Variants in DOT1L observed in about 807,000 individuals in gnomAD.
DOT1L encodes histone-lysine N-methyltransferase, H3 lysine-79 specific.
A neutral mutation model predicts 153.3 loss-of-function variants in DOT1L; 33 were observed. That is an observed-to-expected ratio of 0.22 (90% confidence interval 0.16 to 0.29). DOT1L has a LOEUF of 0.29. Among genes scored for constraint, DOT1L ranks in the 10% least tolerant of loss-of-function variants. The probability of loss-of-function intolerance (pLI) is 1.00; values close to 1 mark genes in which losing one functional copy is unlikely to be tolerated. For missense variants in DOT1L, 1,847 were observed against 2,119.9 expected (o/e 0.87, Z 2.53); for synonymous variants, 1,135 against 965.1 (o/e 1.18, Z -3.26).
intron 2 of DOT1L, among the ~76,000 whole-genome samples, chr19:2,183,890 A>G (rs1480952840): frequency 1.7e-3 from 238 of 142,902 alleles, no homozygotes; most frequent in Middle Eastern, 3.4e-3. Context: ...CTCCCAAAGC[A>G]CTGGGATTAT....
chr19:2,183,963 C>T (rs1336845595), intron 2 of DOT1L, among the ~76,000 whole-genome samples: 2 of 147,430 alleles, frequency 1.4e-5, no homozygotes, highest in Non-Finnish European at 3.1e-5. Flanking sequence ...CAATCCTTTG[C>T]TGCTAGTATG....
In DOT1L at chr19:2,227,753, G is replaced by C. The variant is rs779526522; in HGVS notation, c.4606+626G>C. The C allele has an allele frequency of 2.3e-6, 3 of 1,318,462 alleles. No homozygotes were observed. The African/African-American group carries it at 4.5e-5, about 20-fold the overall frequency. The allele number at this position is 1,318,462 out of a possible 1,614,324, so 81.7% of individuals were successfully genotyped here. A position where few individuals can be genotyped will look rare whatever the true frequency, so the allele number is the denominator to read the frequency against. ...TATTTGCAGGTGTCTTTAACCACGC[G>C]GTGCCCTCCGCCTCTGCTCATCCGT... On this transcript the variant is annotated intron_variant, in intron 27 of 27. Transcript: ENST00000398665.
intron 22 of DOT1L, among the ~76,000 whole-genome samples, chr19:2,219,571 G>T (rs79670723): frequency 1.3e-5 from 2 of 152,196 alleles, no homozygotes; most frequent in Non-Finnish European, 2.9e-5. Flanking sequence ...TGCTGTGAGC[G>T]CTGGGGTCCA....
chr19:2,227,899 GGCCGCCCCCTCC>G, intron 27 of DOT1L: 1 of 1,242,596 alleles, frequency 8.0e-7, no homozygotes, highest in Non-Finnish European at 1.0e-6. Flanking sequence ...GTTGAGACCC[GGCCGCCCCCTCC>G]GCCTCCGCCT....
intron 27 of DOT1L, chr19:2,228,402 C>T (rs556220340): frequency 2.9e-5 from 37 of 1,258,522 alleles, no homozygotes; most frequent in African/African-American, 1.9e-4. Flanking sequence ...GAGCCCTGCG[C>T]GGTGGCTCAC....
At chr19:2,168,151 A>G (rs2019998514) in intron 1 of DOT1L, among the ~76,000 whole-genome samples, 1 of 152,120 alleles carries the variant, frequency 6.6e-6, no homozygotes, top group Non-Finnish European at 1.5e-5. Context: ...CCGCCCCAGC[A>G]TTCTTAGTCT....
At chr19:2,211,061 A>T (rs777639731) in intron 14 of DOT1L, 38 bp from the exon 15 acceptor site, 4 of 1,591,140 alleles carry the variant, frequency 2.5e-6, no homozygotes. Context: ...CGCTCTCCCG[A>T]CCCGCCCTGT....
chr19:2,230,131 C>T lies in DOT1L; in HGVS notation c.*339C>T, dbSNP rs143685653. The T allele has an allele frequency of 1.2e-3, 627 of 508,774 alleles. 5 individuals are homozygous for T. The East Asian group carries it at 0.014, about 11-fold the overall frequency. 31.5% of individuals were successfully genotyped at this position (508,774 alleles called of 1,614,324 possible). On this transcript the variant is annotated 3_prime_UTR_variant, in exon 28 of 28. Coordinates refer to ENST00000398665, the MANE Select transcript of DOT1L (RefSeq NM_032482.3). ...AAGACACGTGTCTGCAGGGCGGGCC[C>T]GCCAGCGGATTCGCCACAGCCTGCC...
At chr19:2,228,639 C>T (rs2024471506) in intron 27 of DOT1L, 1 of 985,392 alleles carries the variant, frequency 1.0e-6, no homozygotes, top group African/African-American at 1.7e-5. Flanking sequence ...CTGAGGCCAG[C>T]CCTGGGGGCA....
chr19:2,215,934 G>C (rs1446309787), intron 19 of DOT1L: 1 of 223,714 alleles, frequency 4.5e-6, no homozygotes, highest in Non-Finnish European at 8.6e-6. Flanking sequence ...CGGGGAAGCT[G>C]CCACGCTCGA....
Position 2,190,629 on chromosome 19 carries a change from T to C in DOT1L, c.265-383T>C, listed in dbSNP as rs2022749029. 6.6e-6 allele frequency among the ~76,000 whole-genome samples: 1 copy of C among 152,012 alleles called. No homozygotes were observed. Among genetic ancestry groups the C allele is most frequent in the Non-Finnish European group, 1.5e-5 (1 of 67,982 alleles). On this transcript the variant is annotated intron_variant, in intron 4 of 27. Transcript: ENST00000398665. This position sits in a 1 kb window ranked among gnomAD's most constrained non-coding sequence, Gnocchi z 4.8. ...AGATGAGGTGTGGTAGGCTCAGGGCTTTCACGGGGCTCGTGGCACCTGACG... is the reference window on the plus strand; with the variant it reads ...AGATGAGGTGTGGTAGGCTCAGGGCCTTCACGGGGCTCGTGGCACCTGACG...
intron 1 of DOT1L, among the ~76,000 whole-genome samples, chr19:2,165,531 C>CG (rs2144630029): frequency 6.6e-6 from 1 of 152,322 alleles, no homozygotes; most frequent in South Asian, 2.1e-4. Context: ...GCCGGGATCC[C>CG]GCCAGGAGAG....
intron 9 of DOT1L, among the ~76,000 whole-genome samples, chr19:2,203,761 C>T (rs187648320): frequency 2.1e-3 from 317 of 152,386 alleles, no homozygotes; most frequent in Admixed American, 5.7e-3. Flanking sequence ...TGCCAGCCCT[C>T]CAGCAGGACA....
rs557308941 is a variant in DOT1L at position 2,213,983 on chromosome 19, G to C, written c.1794G>C (p.Gln598His). The C allele has an allele frequency of 1.7e-5, 28 of 1,612,268 alleles. No individual in the cohort carries two copies. In the African/African-American group the frequency reaches 3.2e-4, roughly 18 times the overall value. ...GCGCGCTCCGCGGCCAGAGCTTGCAGCTGGTGGGTGCCGCGGCGCAAGGAC... is the reference window on the plus strand; with the variant it reads ...GCGCGCTCCGCGGCCAGAGCTTGCACCTGGTGGGTGCCGCGGCGCAAGGAC... ...DNRALRGQSLQLLKARCEELQ... is the reference protein window; with the variant it reads ...DNRALRGQSLHLLKARCEELQ... The change falls in exon 18 of 28, where the codon CAG becomes CAC. Residue 598 changes from glutamine (Q) to histidine (H), a missense_variant. By Grantham distance (24) the Gln-to-His change is conservative (BLOSUM62 0). This residue lies in a region of DOT1L where 156 missense variants were observed against 235.7 expected (regional missense o/e 0.66). Transcript: ENST00000398665.
intron 7 of DOT1L, among the ~76,000 whole-genome samples, chr19:2,199,490 T>C (rs1200774536): frequency 6.6e-6 from 1 of 152,232 alleles, no homozygotes; most frequent in South Asian, 2.1e-4. Context: ...CTGCAGGCCC[T>C]GCCTCGGGGC....
chr19:2,167,675 G>A (rs1235848072), intron 1 of DOT1L, among the ~76,000 whole-genome samples: 1 of 151,860 alleles, frequency 6.6e-6, no homozygotes, highest in East Asian at 1.9e-4. Flanking sequence ...CTGTGTTCCC[G>A]TTGAGGAATT....
At chr19:2,200,273 T>C (rs1486205285) in intron 8 of DOT1L, among the ~76,000 whole-genome samples, 2 of 151,714 alleles carry the variant, frequency 1.3e-5, no homozygotes, top group Non-Finnish European at 2.9e-5. Context: ...TCTGGGGGTC[T>C]TCCTGTCTCC....
At chr19:2,202,559 C>A in intron 8 of DOT1L, 141 bp from the exon 9 acceptor site, 2 of 778,952 alleles carry the variant, frequency 2.6e-6, no homozygotes, top group Non-Finnish European at 4.3e-6. Flanking sequence ...GGCGTGCGCT[C>A]AGCTGCGTGG....
Position 2,190,984 on chromosome 19 carries a change from A to T in DOT1L, c.265-28A>T, listed in dbSNP as rs748714168. ...GGGGCTGGGCCGTGAGGTTTATGTG[A>T]CATGGCCGGGCCACCCTCCGTCCGC... On this transcript the variant is annotated intron_variant, in intron 4 of 27. Transcript: ENST00000398665. This position sits in a 1 kb window ranked among gnomAD's most constrained non-coding sequence, Gnocchi z 4.8. 15 of 1,565,668 alleles carry T rather than the reference A, an allele frequency of 9.6e-6. No homozygotes were observed. The highest frequency in any genetic ancestry group is 1.2e-5 in the Non-Finnish European group (14 of 1,159,534).
Sources: allele counts gnomAD v4.1 joint callset (sites outside exome capture counted in the v4.1 genomes callset), GRCh38; gene constraint gnomAD v4.1.1; regional missense constraint gnomAD v4.1.1; non-coding constraint Gnocchi (gnomAD v3.1); transcripts MANE v1.5; gene names NCBI Gene and HGNC (gene_info 2026-07-23, HGNC 2026-07-21).